NAA30: variants seen among roughly 807,000 people sequenced by gnomAD.
The protein encoded by NAA30 is N-alpha-acetyltransferase 30.
NAA30 carries 5 observed loss-of-function variants against 31.4 expected under a neutral mutation model. That is an observed-to-expected ratio of 0.16 (90% CI 0.08 to 0.33). The LOEUF is 0.33. Ranked by LOEUF, NAA30 falls within the 10% of genes least tolerant of loss-of-function variation. The pLI is 1.00. For synonymous variants in NAA30, 222 were observed against 207.1 expected (o/e 1.07, Z -0.62); for missense variants, 428 against 490.8 (o/e 0.87, Z 1.21).
intron 3 of NAA30, among the ~76,000 whole-genome samples, chr14:57,398,789 G>A (rs2066461743): frequency 6.6e-6 from 1 of 151,932 alleles, no homozygotes; most frequent in South Asian, 2.1e-4. Context: ...CCCTCCACCT[G>A]TAATGCCTGG....
At chr14:57,399,332 C>T (rs1434227141) in intron 3 of NAA30, among the ~76,000 whole-genome samples, 2 of 152,184 alleles carry the variant, frequency 1.3e-5, no homozygotes, top group African/African-American at 2.4e-5. Flanking sequence ...CAGACTTCAT[C>T]GTGCTCACTG....
chr14:57,391,221 T>C lies in NAA30; in HGVS notation c.264T>C (p.Ile88=), dbSNP rs530767100. Residue 88 remains isoleucine (I), a synonymous_variant, in exon 2 of 5, where the codon ATT becomes ATC. Transcript: ENST00000556492. The surrounding 1 kb of genome is among the most constrained non-coding windows in gnomAD (Gnocchi z 4.1). ...AGCAGCAGCAGCTCAACGGATTGATTAGCCCCGAACTGCGGCACCTCCGGG... is the reference window on the plus strand; with the variant it reads ...AGCAGCAGCAGCTCAACGGATTGATCAGCCCCGAACTGCGGCACCTCCGGG... The part of the protein sequence containing the change: ...PQEQQQLNGL[I]SPELRHLRAA... The C allele has an allele frequency of 5.6e-6, 9 of 1,612,152 alleles. No homozygotes were observed. The highest frequency in any genetic ancestry group is 5.3e-5 in the African/African-American group (4 of 75,028).
At chr14:57,403,992 T>TTTTTG (rs552161692) in intron 4 of NAA30, among the ~76,000 whole-genome samples, 11 of 152,246 alleles carry the variant, frequency 7.2e-5, no homozygotes, top group East Asian at 5.8e-4. Context: ...TTCAAGGTTG[T>TTTTTG]TTTTGTTTTG....
intron 3 of NAA30, among the ~76,000 whole-genome samples, chr14:57,398,455 A>G (rs1045736153): frequency 6.6e-6 from 1 of 151,876 alleles, no homozygotes; most frequent in Non-Finnish European, 1.5e-5. Flanking sequence ...AAGAGTTTTT[A>G]ATTTAATTTT....
chr14:57,397,019 CA>C lies in NAA30; in HGVS notation c.895+148del, dbSNP rs2066453552. The C allele has an allele frequency of 2.2e-5, 17 of 784,176 alleles. No homozygotes were observed. In the South Asian group the frequency reaches 3.6e-4, roughly 17 times the overall value. The allele number at this position is 784,176 out of a possible 1,614,324, so 48.6% of individuals were successfully genotyped here. A position where few individuals can be genotyped will look rare whatever the true frequency, so the allele number is the denominator to read the frequency against. On this transcript the variant is annotated intron_variant, in intron 3 of 4. Transcript: ENST00000556492. ...TAAGGCGGGTTTTAATTTTTAATTT[CA>C]AAATGGTATTTTTAAAAAGTTCTTA...
chr14:57,395,048 A>G (rs2066445002), intron 2 of NAA30, among the ~76,000 whole-genome samples: 1 of 152,176 alleles, frequency 6.6e-6, no homozygotes, highest in East Asian at 1.9e-4. Context: ...AAAAGCTTTC[A>G]GAGTTGGTCG....
intron 4 of NAA30, among the ~76,000 whole-genome samples, chr14:57,404,001 T>C (rs543649337): frequency 2.0e-5 from 3 of 152,256 alleles, no homozygotes; most frequent in African/African-American, 7.2e-5. Context: ...GTTTTTGTTT[T>C]GTTTTGTTTT....
chr14:57,396,236 A>G (rs1009348805), intron 2 of NAA30, among the ~76,000 whole-genome samples: 1 of 152,144 alleles, frequency 6.6e-6, no homozygotes, highest in Non-Finnish European at 1.5e-5. Flanking sequence ...CTGCCTCCCA[A>G]AGTGCTGGGT....
chr14:57,396,437 T>C, intron 2 of NAA30, among the ~76,000 whole-genome samples: 1 of 152,100 alleles, frequency 6.6e-6, no homozygotes, highest in East Asian at 1.9e-4. Context: ...ATAATTGTGA[T>C]TTTAAGCACC....
intron 2 of NAA30, among the ~76,000 whole-genome samples, chr14:57,395,326 T>C (rs983107095): frequency 6.6e-6 from 1 of 152,176 alleles, no homozygotes; most frequent in South Asian, 2.1e-4. Context: ...AAAAAAGGCC[T>C]TTTAATCAAT....
chr14:57,391,736 G>A lies in NAA30; in HGVS notation c.771+8G>A, dbSNP rs201773833. 289 of 1,590,300 alleles carry A rather than the reference G, an allele frequency of 1.8e-4. No individual in the cohort carries two copies. In the African/African-American group the frequency reaches 3.5e-3, roughly 19 times the overall value. ...CCACAGCTGTGCTTCTTGGTAAGTG[G>A]ATAGAATAAAAAGAGGGTGAACCCA... On this transcript the variant is annotated splice_region_variant and intron_variant, in intron 2 of 4. Coordinates refer to ENST00000556492, the MANE Select transcript of NAA30 (RefSeq NM_001011713.3). The surrounding 1 kb of genome is among the most constrained non-coding windows in gnomAD (Gnocchi z 4.1).
intron 3 of NAA30, 86 bp from the exon 4 acceptor site, chr14:57,399,742 A>G (rs1459471808): frequency 1.0e-5 from 8 of 792,936 alleles, no homozygotes; most frequent in Admixed American, 2.3e-5. Context: ...CTAGCATTTG[A>G]CATTTCTGTG....
chr14:57,391,064 C>G lies in NAA30; in HGVS notation c.107C>G (p.Ala36Gly), dbSNP rs1358680330. The G allele has an allele frequency of 6.6e-7, 1 of 1,524,146 alleles. No homozygotes were observed. Among genetic ancestry groups the G allele is most frequent in the African/African-American group, 1.4e-5 (1 of 71,112 alleles). The allele number at this position is 1,524,146 out of a possible 1,614,324, so 94.4% of individuals were successfully genotyped here. ...CCCTTCCCGGCGGGGGCCGCCCTCG[C>G]CTGCTGCAGCGAGGACGAGGAGGAC... Reference protein sequence around the residue: ...RCPFPAGAALACCSEDEEDDE... With the variant: ...RCPFPAGAALGCCSEDEEDDE... Residue 36 changes from alanine (A) to glycine (G), a missense_variant, in exon 2 of 5, where the codon GCC becomes GGC. Physicochemically the swap from Ala to Gly is moderately conservative, Grantham distance 60 (BLOSUM62 0). Coordinates refer to ENST00000556492, the MANE Select transcript of NAA30 (RefSeq NM_001011713.3). The surrounding 1 kb of genome is among the most constrained non-coding windows in gnomAD (Gnocchi z 4.1).
In NAA30 at chr14:57,409,301, T is replaced by C. The variant is rs913624779; in HGVS notation, c.952-78T>C. 7 of 1,176,874 alleles carry C rather than the reference T, an allele frequency of 5.9e-6. No homozygotes were observed. The African/African-American group carries it at 1.1e-4, about 18-fold the overall frequency. The allele number at this position is 1,176,874 out of a possible 1,614,324, so 72.9% of individuals were successfully genotyped here. ...CAATTTTTAAAATAATGTATGATTT[T>C]TTAAAAAATTGTTTAGTTGGTAAAT... is the stretch of plus-strand genomic sequence containing the variant. On this transcript the variant is annotated intron_variant, in intron 4 of 4. Coordinates refer to ENST00000556492, the MANE Select transcript of NAA30 (RefSeq NM_001011713.3).
At position 57,399,280 on chromosome 14, in the gene NAA30, G is replaced by A. The variant is rs868703415; in HGVS notation, c.896-548G>A. On this transcript the variant is annotated intron_variant, in intron 3 of 4. Coordinates refer to ENST00000556492, the MANE Select transcript of NAA30 (RefSeq NM_001011713.3). ...AACTAGGATACATTTTGCTAGACAT[G>A]TACAGACACACCACTGACATCATTG... Among the ~76,000 whole-genome samples, 13 of 152,314 alleles carry A rather than the reference G, an allele frequency of 8.5e-5. No homozygotes were observed. In the Middle Eastern group the frequency reaches 0.024, roughly 279 times the overall value.
In NAA30 at chr14:57,391,755, G is replaced by A. The variant is rs200080979; in HGVS notation, c.771+27G>A. The stretch of plus-strand genomic sequence containing the variant: ...TAAGTGGATAGAATAAAAAGAGGGT[G>A]AACCCAGCAGTGATCGAGACTGTGC... On this transcript the variant is annotated intron_variant, in intron 2 of 4. Transcript: ENST00000556492. This position sits in a 1 kb window ranked among gnomAD's most constrained non-coding sequence, Gnocchi z 4.1. 2 of 1,559,318 alleles carry A rather than the reference G, an allele frequency of 1.3e-6. No homozygotes were observed. Among genetic ancestry groups the A allele is most frequent in the African/African-American group, 2.7e-5 (2 of 73,872 alleles).
rs1249667081 is a variant in NAA30, at chr14:57,410,687, A to G, written c.*1171A>G. On this transcript the variant is annotated 3_prime_UTR_variant, in exon 5 of 5. Coordinates refer to ENST00000556492, the MANE Select transcript of NAA30 (RefSeq NM_001011713.3). The stretch of plus-strand genomic sequence containing the variant: ...GAGCTTTGCTTTTCTTCTGCCAGAA[A>G]AACAAAAGGGGGAAATGAAAATCTT... 2 of 152,164 alleles carry G rather than the reference A, an allele frequency of 1.3e-5. No individual in the cohort carries two copies. Among genetic ancestry groups the G allele is most frequent in the African/African-American group, 4.8e-5 (2 of 41,442 alleles). 9.4% of individuals were successfully genotyped at this position (152,164 alleles called of 1,614,324 possible). A position where few individuals can be genotyped will look rare whatever the true frequency, so the allele number is the denominator to read the frequency against.
intron 4 of NAA30, among the ~76,000 whole-genome samples, chr14:57,401,229 A>T: frequency 6.6e-6 from 1 of 152,196 alleles, no homozygotes; most frequent in East Asian, 1.9e-4. Context: ...ACTGCTGAGC[A>T]TTCTCAGGCT....
rs752266916 is a variant in NAA30, at chr14:57,391,188, G to A, written c.231G>A (p.Pro77=). ...KGHPCLRCPQ[P]PQEQQQLNGL... ...ATCCGTGCCTCCGCTGCCCTCAGCCGCCGCAGGAGCAGCAGCAGCTCAACG... is the reference window on the plus strand; with the variant it reads ...ATCCGTGCCTCCGCTGCCCTCAGCCACCGCAGGAGCAGCAGCAGCTCAACG... Residue 77 remains proline (P), a synonymous_variant, in exon 2 of 5, where the codon CCG becomes CCA. Transcript: ENST00000556492. This position sits in a 1 kb window ranked among gnomAD's most constrained non-coding sequence, Gnocchi z 4.1. 4 of 1,610,812 alleles carry A rather than the reference G, an allele frequency of 2.5e-6. No homozygotes were observed. In the East Asian group the frequency reaches 6.7e-5, roughly 27 times the overall value.
Sources: gnomAD v4.1 joint callset for allele counts (sites outside exome capture counted in the v4.1 genomes callset) on GRCh38, gnomAD v4.1.1 for gene constraint, Gnocchi (gnomAD v3.1) non-coding constraint, MANE v1.5 for transcripts, NCBI Gene and HGNC (gene_info 2026-07-23, HGNC 2026-07-21) for gene names.